Variants in BPGM observed in about 807,000 individuals in gnomAD.
BPGM encodes the protein bisphosphoglycerate mutase.
Under a neutral mutation model 21.6 loss-of-function variants are expected in BPGM, and 15 were observed. The observed-to-expected ratio is 0.70, with a 90% CI of 0.47 to 1.07. The LOEUF is 1.07. Ranked by LOEUF, BPGM falls within the 50% of genes least tolerant of loss-of-function variation. The pLI is 0.00. For synonymous variants in BPGM, 113 were observed against 116.2 expected (o/e 0.97, Z 0.18); for missense variants, 273 against 319.0 (o/e 0.86, Z 1.10).
chr7:134,662,270 G>C (rs925260037), intron 2 of BPGM, among the ~76,000 whole-genome samples, 162 bp downstream of exon 2: 4 of 152,168 alleles, frequency 2.6e-5, no homozygotes, highest in African/African-American at 9.7e-5. Flanking sequence ...CAGATCTCTT[G>C]TGTGTTTTCT....
intron 2 of BPGM, among the ~76,000 whole-genome samples, chr7:134,666,888 A>G (rs948474580): frequency 6.6e-6 from 1 of 152,218 alleles, no homozygotes; most frequent in African/African-American, 2.4e-5. Context: ...CTTTCTCAAG[A>G]TCAGAAGACA....
chr7:134,647,404 G>A (rs1283413910), intron 1 of BPGM: 1 of 152,182 alleles, frequency 6.6e-6, no homozygotes, highest in East Asian at 1.9e-4. Flanking sequence ...GAAAAGAGAA[G>A]GAGGTGAATA....
intron 2 of BPGM, among the ~76,000 whole-genome samples, chr7:134,674,167 C>T (rs1372674934): frequency 6.6e-6 from 1 of 152,138 alleles, no homozygotes; most frequent in Non-Finnish European, 1.5e-5. Context: ...CCCACCTCAG[C>T]CTCCCAAAGT....
rs1796024349 is a variant in BPGM at position 134,679,019 on chromosome 7, A to G, written c.768A>G (p.Gln256=). The G allele has an allele frequency of 2.5e-6, 4 of 1,614,078 alleles. No homozygotes were observed. The highest frequency in any genetic ancestry group is 8.5e-7 in the Non-Finnish European group (1 of 1,180,002). Residue 256 remains glutamine, a synonymous_variant, in exon 3 of 3, where the codon CAA becomes CAG. Transcript: ENST00000344924. ...TAGAAGATCAAGGAAAAGTGAAACA[A>G]GCTAAAAAATAGTCTTTCTCAACTG... is the stretch of plus-strand genomic sequence containing the variant. ...KKVEDQGKVK[Q]AKK is the part of the protein sequence containing the mutation.
intron 2 of BPGM, among the ~76,000 whole-genome samples, chr7:134,668,710 C>CT (rs1455107020): frequency 6.6e-6 from 1 of 152,192 alleles, no homozygotes; most frequent in Non-Finnish European, 1.5e-5. Context: ...AATCATTGAT[C>CT]ACTAAGCTGT....
chr7:134,679,043 T>C lies in BPGM; in HGVS notation c.*12T>C. ...AAGCTAAAAAATAGTCTTTCTCAAC[T>C]GTTGGCTAAGAAGAAATGCAAAAGA... On this transcript the variant is annotated 3_prime_UTR_variant, in exon 3 of 3. Transcript: ENST00000344924. 6.2e-7 allele frequency: 1 copy of C among 1,613,610 alleles called. No homozygotes were observed. The highest frequency in any genetic ancestry group is 8.5e-7 in the Non-Finnish European group (1 of 1,179,578).
rs189179662 is a variant in BPGM at position 134,677,840 on chromosome 7, T to A, written c.602-1013T>A. 3.4e-3 allele frequency among the ~76,000 whole-genome samples: 521 copies of A among 152,358 alleles called. 3 individuals carry two copies. Among genetic ancestry groups the A allele is most frequent in the African/African-American group, 0.012 (493 of 41,588 alleles). Reference sequence around the variant, plus strand: ...TCTCATGCCTTCCCTTTGCTCACTTTGAACTCAGAAACTTGAGAGGAGTTA... The same window carrying A: ...TCTCATGCCTTCCCTTTGCTCACTTAGAACTCAGAAACTTGAGAGGAGTTA... On this transcript the variant is annotated intron_variant, in intron 2 of 2. Transcript: ENST00000344924.
chr7:134,668,055 G>A (rs1179948266), intron 2 of BPGM, among the ~76,000 whole-genome samples: 1 of 112,498 alleles, frequency 8.9e-6, no homozygotes, highest in Non-Finnish European at 1.8e-5. Context: ...TAGTCTTAGA[G>A]GTGTCATCCA....
intron 2 of BPGM, 94 bp from the exon 3 acceptor site, chr7:134,678,759 A>C (rs543148623): frequency 1.6e-6 from 2 of 1,233,680 alleles, no homozygotes; most frequent in Non-Finnish European, 2.4e-6. Flanking sequence ...TCAGGCACAC[A>C]GTTAAATGGG....
At chr7:134,662,382 C>T (rs719340) in intron 2 of BPGM, among the ~76,000 whole-genome samples, 73,129 of 151,980 alleles carry the variant, frequency 0.48, 17,803 homozygotes, top group East Asian at 0.69. Flanking sequence ...CTCAGAGTTT[C>T]GGAATCAGTA....
intron 1 of BPGM, among the ~76,000 whole-genome samples, chr7:134,654,897 G>A (rs932893064): frequency 6.6e-6 from 1 of 152,072 alleles, no homozygotes; most frequent in African/African-American, 2.4e-5. Flanking sequence ...TAGAAGGGAA[G>A]GTAAATGGAC....
intron 2 of BPGM, 24 bp downstream of exon 2, chr7:134,662,132 T>G: frequency 6.2e-7 from 1 of 1,613,550 alleles, no homozygotes; most frequent in African/African-American, 1.3e-5. Context: ...ATACCACTTA[T>G]TAGAGGTTGC....
intron 2 of BPGM, among the ~76,000 whole-genome samples, chr7:134,674,205 G>T (rs527785380): frequency 1.3e-5 from 2 of 152,052 alleles, no homozygotes; most frequent in Non-Finnish European, 2.9e-5. Context: ...GAGCCACTGC[G>T]CCCAGCCCTG....
chr7:134,661,633 G>C lies in BPGM; in HGVS notation c.126G>C (p.Gly42=), dbSNP rs1795733161. ...GAATGGAGGAAGCTCGGAACTGTGGGAAGCAACTCAAAGCGTTAAACTTTG... is the reference window on the plus strand; with the variant it reads ...GAATGGAGGAAGCTCGGAACTGTGGCAAGCAACTCAAAGCGTTAAACTTTG... The part of the protein sequence containing the change: ...SEGMEEARNC[G]KQLKALNFEF... The change falls in exon 2 of 3, where the codon GGG becomes GGC. Residue 42 remains glycine, a synonymous_variant. Transcript: ENST00000344924. This position sits in a 1 kb window ranked among gnomAD's most constrained non-coding sequence, Gnocchi z 4.6. The C allele has an allele frequency of 1.2e-6, 2 of 1,614,050 alleles. No homozygotes were observed. Among genetic ancestry groups the C allele is most frequent in the Non-Finnish European group, 1.7e-6 (2 of 1,180,042 alleles).
intron 2 of BPGM, among the ~76,000 whole-genome samples, chr7:134,663,252 A>G (rs1375673169): frequency 6.6e-6 from 1 of 152,240 alleles, no homozygotes; most frequent in Non-Finnish European, 1.5e-5. Context: ...AATTTTTATA[A>G]CATGACCAAG....
At chr7:134,648,131 G>GTTTTTTT (rs139722217) in intron 1 of BPGM, among the ~76,000 whole-genome samples, 1 of 145,264 alleles carries the variant, frequency 6.9e-6, no homozygotes, top group Non-Finnish European at 1.5e-5. Context: ...CTTTTGTTTT[G>GTTTTTTT]GTTTTTTTTT....
chr7:134,659,204 C>T (rs565450034), intron 1 of BPGM, among the ~76,000 whole-genome samples: 1 of 152,142 alleles, frequency 6.6e-6, no homozygotes, highest in Admixed American at 6.5e-5. Flanking sequence ...TTTTCTCCAT[C>T]CCCCTCCTCC....
At chr7:134,653,443 C>G (rs1795588155) in intron 1 of BPGM, among the ~76,000 whole-genome samples, 1 of 152,172 alleles carries the variant, frequency 6.6e-6, no homozygotes, top group Non-Finnish European at 1.5e-5. Context: ...CCTGGGTTTT[C>G]CTGTCTATTT....
At chr7:134,653,043 C>T (rs185782541) in intron 1 of BPGM, among the ~76,000 whole-genome samples, 1 of 152,250 alleles carries the variant, frequency 6.6e-6, no homozygotes, top group African/African-American at 2.4e-5. Context: ...GAACAGCCCA[C>T]AAACTATGCA....
Sources: allele counts gnomAD v4.1 joint callset (sites outside exome capture counted in the v4.1 genomes callset), GRCh38; gene constraint gnomAD v4.1.1; non-coding constraint Gnocchi (gnomAD v3.1); transcripts MANE v1.5; gene names NCBI Gene and HGNC (gene_info 2026-07-23, HGNC 2026-07-21).